The following PCDHB7 variants were observed in gnomAD, a reference collection of about 807,000 sequenced individuals.
PCDHB7 encodes the protein protocadherin beta-7.
For missense variants in PCDHB7, 1,148 were observed against 1,011.6 expected (o/e 1.13, Z -1.83); for synonymous variants, 542 against 463.1 (o/e 1.17, Z -2.19).
rs782431968 is a variant in PCDHB7 at position 141,174,890 on chromosome 5, C to T, written c.2055C>T (p.Thr685=). 34 of 1,611,036 alleles carry T rather than the reference C, an allele frequency of 2.1e-5. No individual in the cohort carries two copies. Among genetic ancestry groups the T allele is most frequent in the African/African-American group, 1.9e-4 (14 of 74,840 alleles). ...CCCCGGACCAGGCCAACTCGCTCACCGTCTACCTGGTGGTGGCGTTGGCCT... is the reference window on the plus strand; with the variant it reads ...CCCCGGACCAGGCCAACTCGCTCACTGTCTACCTGGTGGTGGCGTTGGCCT... ...EAAPDQANSL[T]VYLVVALASV... Residue 685 remains threonine, a synonymous_variant, in exon 1 of 1, where the codon ACC becomes ACT. Coordinates refer to ENST00000231137, the MANE Select transcript of PCDHB7 (RefSeq NM_018940.4).
In PCDHB7 at chr5:141,173,955, G is replaced by T. The variant is rs782692216; in HGVS notation, c.1120G>T (p.Asp374Tyr). Residue 374 changes from aspartate (D) to tyrosine (Y), a missense_variant, in exon 1 of 1, where the codon GAT becomes TAT. By Grantham distance (160) the Asp-to-Tyr change is radical. Transcript: ENST00000231137. ...VVAVFRIRDR[D>Y]SGNNGKTVCS... is the part of the protein sequence containing the mutation. ...GGCTGTTTTTAGGATTAGAGACAGA[G>T]ATTCCGGGAACAATGGAAAGACAGT... 1.2e-6 allele frequency: 2 copies of T among 1,613,768 alleles called. No homozygotes were observed. The highest frequency in any genetic ancestry group is 1.1e-5 in the South Asian group (1 of 91,056).
Position 141,172,981 on chromosome 5 carries a change from C to T in PCDHB7, c.146C>T (p.Ala49Val). The T allele has an allele frequency of 6.2e-7, 1 of 1,614,074 alleles. No individual in the cohort carries two copies. The highest frequency in any genetic ancestry group is 1.1e-5 in the South Asian group (1 of 91,064). Residue 49 changes from alanine to valine, a missense_variant, in exon 1 of 1, where the codon GCA becomes GTA. Transcript: ENST00000231137. The part of the protein sequence containing the change: ...TERGTFLTNL[A>V]KDLGLGVGEL... ...AGAGGCACCTTTCTTACCAACTTGG[C>T]AAAAGACCTAGGGTTAGGGGTAGGG...
In PCDHB7 at chr5:141,175,010, G is replaced by A; in HGVS notation, c.2175G>A (p.Val725=). The change falls in exon 1 of 1, where the codon GTG becomes GTA. Residue 725 remains valine, a synonymous_variant. Transcript: ENST00000231137. ...SRAAPVGRCS[V]PEGPFPRHLV... ...CGGCCCCGGTGGGTCGCTGCTCGGT[G>A]CCTGAGGGCCCCTTTCCACGACATC... is the stretch of plus-strand genomic sequence containing the variant. 6.2e-7 allele frequency: 1 copy of A among 1,614,012 alleles called. No homozygotes were observed. The highest frequency in any genetic ancestry group is 1.7e-5 in the Admixed American group (1 of 60,014).
rs1554280342 is a variant in PCDHB7 at position 141,174,830 on chromosome 5, C to A, written c.1995C>A (p.Gly665=). The A allele has an allele frequency of 1.2e-6, 2 of 1,612,302 alleles. No individual in the cohort carries two copies. The highest frequency in any genetic ancestry group is 1.7e-6 in the Non-Finnish European group (2 of 1,179,822). ...CGCTGCACGTGCTCCTGGTGGACGG[C>A]TTCTCCCAGCCCTACCTGCGGCTCC... ...TATLHVLLVD[G]FSQPYLRLPE... is the part of the protein sequence containing the mutation. The change falls in exon 1 of 1, where the codon GGC becomes GGA. Residue 665 remains glycine, a synonymous_variant. Transcript: ENST00000231137.
In PCDHB7 at chr5:141,174,600, G is replaced by T. The variant is rs1753324850; in HGVS notation, c.1765G>T (p.Val589Leu). The change falls in exon 1 of 1, where the codon GTG becomes TTG. Residue 589 changes from valine to leucine, a missense_variant. Transcript: ENST00000231137. Reference sequence around the variant, plus strand: ...CGAGCCGGGCTACCTGGTGACCAAGGTGGTGGCGGTGGACGGCGACTCGGG... The same window carrying T: ...CGAGCCGGGCTACCTGGTGACCAAGTTGGTGGCGGTGGACGGCGACTCGGG... ...AAEPGYLVTK[V>L]VAVDGDSGQN... The T allele has an allele frequency of 5.0e-6, 8 of 1,610,364 alleles. No homozygotes were observed. Among genetic ancestry groups the T allele is most frequent in the Non-Finnish European group, 6.8e-6 (8 of 1,179,638 alleles).
At position 141,174,149 on chromosome 5, in the gene PCDHB7, C is replaced by T. The variant is rs1258533736; in HGVS notation, c.1314C>T (p.Thr438=). 4 of 1,614,004 alleles carry T rather than the reference C, an allele frequency of 2.5e-6. No individual in the cohort carries two copies. The highest frequency in any genetic ancestry group is 1.3e-5 in the African/African-American group (1 of 75,054). ...GGCTGAAAACCGAGCACAACATAAC[C>T]GTGCTGGTCTCCGACGTCAATGACA... ...TPRLKTEHNI[T]VLVSDVNDNA... Residue 438 remains threonine (T), a synonymous_variant, in exon 1 of 1, where the codon ACC becomes ACT. Transcript: ENST00000231137.
rs782423245 is a variant in PCDHB7 at position 141,174,145 on chromosome 5, T to A, written c.1310T>A (p.Ile437Lys). The A allele has an allele frequency of 6.2e-6, 10 of 1,613,986 alleles. No individual in the cohort carries two copies. The South Asian group carries it at 8.8e-5, about 14-fold the overall frequency. ...GTPRLKTEHN[I>K]TVLVSDVNDN... The stretch of plus-strand genomic sequence containing the variant: ...CCCAGGCTGAAAACCGAGCACAACA[T>A]AACCGTGCTGGTCTCCGACGTCAAT... Residue 437 changes from isoleucine to lysine, a missense_variant, in exon 1 of 1, where the codon ATA becomes AAA. Physicochemically the swap from Ile to Lys is moderately radical, Grantham distance 102 (BLOSUM62 -3). Transcript: ENST00000231137.
In PCDHB7 at chr5:141,176,040, G is replaced by A. The variant is rs532357738; in HGVS notation, c.*823G>A. The A allele has an allele frequency of 9.0e-4, 150 of 167,060 alleles. No homozygotes were observed. The highest frequency in any genetic ancestry group is 3.4e-3 in the Middle Eastern group (1 of 294). 10.3% of individuals were successfully genotyped at this position (167,060 alleles called of 1,614,324 possible). ...ACTCAAGCGGAAAACAAAATTGAAA[G>A]GGCAACCTGTGCCTTCTCCTTTCTT... On this transcript the variant is annotated 3_prime_UTR_variant, in exon 1 of 1. Coordinates refer to ENST00000231137, the MANE Select transcript of PCDHB7 (RefSeq NM_018940.4).
In PCDHB7 at chr5:141,174,299, C is replaced by G; in HGVS notation, c.1464C>G (p.Tyr488Ter). 6.2e-7 allele frequency: 1 copy of G among 1,612,524 alleles called. No homozygotes were observed. ...CGGGCACCAACGCCCAGGTCATCTA[C>G]TCCCTGCTGCCGTCCCAGGACCCGC... ...RDSGTNAQVI[Y>*]SLLPSQDPHL... is the part of the protein sequence containing the mutation. The change falls in exon 1 of 1, where the codon TAC becomes TAG. Residue 488 changes from tyrosine to a stop codon, truncating the protein, a stop_gained. Transcript: ENST00000231137. LOFTEE classifies it low-confidence loss of function (END_TRUNC).
rs782385262 is a variant in PCDHB7 at position 141,174,937 on chromosome 5, T to A, written c.2102T>A (p.Leu701His). Reference protein sequence around the residue: ...ALASVSSLFLLSVLLFVAVRL... With the variant: ...ALASVSSLFLHSVLLFVAVRL... ...GCCTCGGTGTCTTCGCTCTTCCTCC[T>A]CTCGGTGCTCCTGTTCGTGGCGGTG... Residue 701 changes from leucine to histidine, a missense_variant, in exon 1 of 1, where the codon CTC (leucine) becomes CAC (histidine). Transcript: ENST00000231137. 1 of 1,611,102 alleles carries A rather than the reference T, an allele frequency of 6.2e-7. No individual in the cohort carries two copies. Among genetic ancestry groups the A allele is most frequent in the Non-Finnish European group, 8.5e-7 (1 of 1,178,580 alleles).
rs1422835171 is a variant in PCDHB7, at chr5:141,174,945, C to T, written c.2110C>T (p.Leu704Phe). Residue 704 changes from leucine to phenylalanine, a missense_variant, in exon 1 of 1, where the codon CTC becomes TTC. Leu to Phe is a conservative substitution (Grantham distance 22). Transcript: ENST00000231137. ...GTCTTCGCTCTTCCTCCTCTCGGTG[C>T]TCCTGTTCGTGGCGGTGCGGCTGTG... ...SVSSLFLLSV[L>F]LFVAVRLCRR... The T allele has an allele frequency of 1.2e-6, 2 of 1,611,150 alleles. No homozygotes were observed. Among genetic ancestry groups the T allele is most frequent in the Non-Finnish European group, 8.5e-7 (1 of 1,178,322 alleles).
chr5:141,173,276 T>A lies in PCDHB7; in HGVS notation c.441T>A (p.Thr147=). 1 of 1,614,080 alleles carries A rather than the reference T, an allele frequency of 6.2e-7. No homozygotes were observed. The highest frequency in any genetic ancestry group is 8.5e-7 in the Non-Finnish European group (1 of 1,179,998). ...EISLKILEST[T]PGAAFLLESA... is the part of the protein sequence containing the mutation. ...CCTTGAAAATATTAGAAAGTACCAC[T>A]CCAGGGGCGGCATTTCTCCTAGAGA... Residue 147 remains threonine, a synonymous_variant, in exon 1 of 1, where the codon ACT becomes ACA. Coordinates refer to ENST00000231137, the MANE Select transcript of PCDHB7 (RefSeq NM_018940.4).
Position 141,172,942 on chromosome 5 carries a change from C to G in PCDHB7, c.107C>G (p.Ala36Gly), listed in dbSNP as rs782066223. The change falls in exon 1 of 1, where the codon GCG becomes GGG. Residue 36 changes from alanine (A) to glycine (G), a missense_variant. Transcript: ENST00000231137. ...AGAEPLRYFV[A>G]EETERGTFLT... The stretch of plus-strand genomic sequence containing the variant: ...GCCGAACCGCTTCGGTATTTTGTGG[C>G]GGAGGAAACCGAGAGAGGCACCTTT... 5.6e-6 allele frequency: 9 copies of G among 1,614,062 alleles called. No homozygotes were observed. The highest frequency in any genetic ancestry group is 7.6e-6 in the Non-Finnish European group (9 of 1,179,982).
rs1554280264 is a variant in PCDHB7, at chr5:141,174,550, G to A, written c.1715G>A (p.Cys572Tyr). The change falls in exon 1 of 1, where the codon TGC becomes TAC. Residue 572 changes from cysteine (C) to tyrosine (Y), a missense_variant. Coordinates refer to ENST00000231137, the MANE Select transcript of PCDHB7 (RefSeq NM_018940.4). ...LYPLQNSSAPCTEPLPRAAEP... is the reference protein window; with the variant it reads ...LYPLQNSSAPYTEPLPRAAEP... ...CCGCTGCAGAACAGCTCCGCGCCCT[G>A]CACCGAGCCGTTGCCCCGGGCGGCC... 3.1e-6 allele frequency: 5 copies of A among 1,609,946 alleles called. No individual in the cohort carries two copies. In the East Asian group the frequency reaches 8.9e-5, roughly 29 times the overall value.
Position 141,173,045 on chromosome 5 carries a change from G to T in PCDHB7, c.210G>T (p.Gln70His), listed in dbSNP as rs1753252744. 1.2e-6 allele frequency: 2 copies of T among 1,614,088 alleles called. No individual in the cohort carries two copies. The highest frequency in any genetic ancestry group is 1.7e-5 in the Admixed American group (1 of 60,010). ...RARGTRIVSD[Q>H]NMQILLLSSL... ...GGGGAACTAGAATTGTTTCAGACCA[G>T]AACATGCAAATTTTACTGCTCAGTT... The change falls in exon 1 of 1, where the codon CAG (glutamine) becomes CAT (histidine). Residue 70 changes from glutamine (Q) to histidine (H), a missense_variant. Transcript: ENST00000231137.
rs782756167 is a variant in PCDHB7, at chr5:141,172,963, C to G, written c.128C>G (p.Thr43Ser). Reference sequence around the variant, plus strand: ...GTGGCGGAGGAAACCGAGAGAGGCACCTTTCTTACCAACTTGGCAAAAGAC... The same window carrying G: ...GTGGCGGAGGAAACCGAGAGAGGCAGCTTTCTTACCAACTTGGCAAAAGAC... ...YFVAEETERG[T>S]FLTNLAKDLG... Residue 43 changes from threonine to serine, a missense_variant, in exon 1 of 1, where the codon ACC (threonine) becomes AGC (serine). Thr to Ser is a moderately conservative substitution (Grantham distance 58). Coordinates refer to ENST00000231137, the MANE Select transcript of PCDHB7 (RefSeq NM_018940.4). The G allele has an allele frequency of 5.0e-6, 8 of 1,614,188 alleles. No homozygotes were observed. Among genetic ancestry groups the G allele is most frequent in the Non-Finnish European group, 6.8e-6 (8 of 1,180,030 alleles).
chr5:141,174,198 T>A lies in PCDHB7; in HGVS notation c.1363T>A (p.Ser455Thr), dbSNP rs782396977. The A allele has an allele frequency of 6.2e-7, 1 of 1,613,234 alleles. No homozygotes were observed. Among genetic ancestry groups the A allele is most frequent in the Non-Finnish European group, 8.5e-7 (1 of 1,179,998 alleles). Residue 455 changes from serine (S) to threonine (T), a missense_variant, in exon 1 of 1, where the codon TCC becomes ACC. Transcript: ENST00000231137. ...CAACGCTCCCGCCTTCACCCAAACC[T>A]CCTACACCCTGTTTGTCCGTGAGAA... ...NDNAPAFTQT[S>T]YTLFVRENNS...
chr5:141,174,187 T>C lies in PCDHB7; in HGVS notation c.1352T>C (p.Phe451Ser). 2 of 1,613,516 alleles carry C rather than the reference T, an allele frequency of 1.2e-6. No individual in the cohort carries two copies. Among genetic ancestry groups the C allele is most frequent in the Middle Eastern group, 1.8e-4 (1 of 5,566 alleles). The change falls in exon 1 of 1, where the codon TTC (phenylalanine) becomes TCC (serine). Residue 451 changes from phenylalanine (F) to serine (S), a missense_variant. Coordinates refer to ENST00000231137, the MANE Select transcript of PCDHB7 (RefSeq NM_018940.4). ...VSDVNDNAPAFTQTSYTLFVR... is the reference protein window; with the variant it reads ...VSDVNDNAPASTQTSYTLFVR... Reference sequence around the variant, plus strand: ...GACGTCAATGACAACGCTCCCGCCTTCACCCAAACCTCCTACACCCTGTTT... The same window carrying C: ...GACGTCAATGACAACGCTCCCGCCTCCACCCAAACCTCCTACACCCTGTTT...
At position 141,174,217 on chromosome 5, in the gene PCDHB7, G is replaced by T. The variant is rs137953621; in HGVS notation, c.1382G>T (p.Arg461Leu). The T allele has an allele frequency of 1.5e-4, 243 of 1,613,230 alleles. No individual in the cohort carries two copies. Among genetic ancestry groups the T allele is most frequent in the Non-Finnish European group, 1.9e-4 (223 of 1,180,050 alleles). Residue 461 changes from arginine (R) to leucine (L), a missense_variant, in exon 1 of 1, where the codon CGT becomes CTT. Physicochemically the swap from Arg to Leu is moderately radical, Grantham distance 102. Transcript: ENST00000231137. Reference protein sequence around the residue: ...FTQTSYTLFVRENNSPALPIG... With the variant: ...FTQTSYTLFVLENNSPALPIG... Reference sequence around the variant, plus strand: ...CAAACCTCCTACACCCTGTTTGTCCGTGAGAACAACAGCCCCGCCCTGCCC... The same window carrying T: ...CAAACCTCCTACACCCTGTTTGTCCTTGAGAACAACAGCCCCGCCCTGCCC...
Sources: gnomAD v4.1 joint callset for allele counts on GRCh38, gnomAD v4.1.1 for gene constraint, MANE v1.5 for transcripts, NCBI Gene and HGNC (gene_info 2026-07-23, HGNC 2026-07-21) for gene names.